The following TTC7A variants were observed in gnomAD, a reference collection of about 807,000 sequenced individuals.
TTC7A encodes tetratricopeptide repeat protein 7A.
Under a neutral mutation model 103.7 loss-of-function variants are expected in TTC7A, and 110 were observed. The ratio of observed to expected loss-of-function variants is 1.06; its 90% CI spans 0.91 to 1.24. The LOEUF is 1.24. Ranked by LOEUF, TTC7A falls within the 50% of genes most tolerant of loss-of-function variation. TTC7A has a pLI of 0.00. For missense variants in TTC7A, 1,340 were observed against 1,116.3 expected, an observed-to-expected ratio of 1.20 and a Z score of -2.86; for synonymous variants, 521 against 467.9, an observed-to-expected ratio of 1.11 and a Z score of -1.47.
chr2:46,968,061 G>A (rs1333947549), intron 3 of TTC7A, among the ~76,000 whole-genome samples: 1 of 152,168 alleles, frequency 6.6e-6, no homozygotes, highest in Non-Finnish European at 1.5e-5. Context: ...TGCATCCAGG[G>A]CCCAAGGCTC....
rs903561949 is a variant in TTC7A, at chr2:47,074,256, G to T, written c.*333G>T. ...CATGCCTCTGGCTTGGAGTCTGGGT[G>T]GGGGGTTCTCACTCCCCACTCTCAG... On this transcript the variant is annotated 3_prime_UTR_variant, in exon 20 of 20. Coordinates refer to ENST00000319190, the MANE Select transcript of TTC7A (RefSeq NM_020458.4). The T allele has an allele frequency of 4.1e-5, 15 of 362,740 alleles. 1 individual carries two copies. Among genetic ancestry groups the T allele is most frequent in the East Asian group, 1.2e-4 (2 of 16,444 alleles). 22.5% of individuals were successfully genotyped at this position (362,740 alleles called of 1,614,324 possible). A position where few individuals can be genotyped will look rare whatever the true frequency, so the allele number is the denominator to read the frequency against.
intron 3 of TTC7A, among the ~76,000 whole-genome samples, chr2:46,962,583 A>G (rs913258955): frequency 1.3e-5 from 2 of 152,210 alleles, no homozygotes; most frequent in African/African-American, 2.4e-5. Flanking sequence ...GGATGCAGCT[A>G]GAGGGGAAGC....
chr2:46,916,044 G>A, upstream of TTC7A: 11 of 985,438 alleles, frequency 1.1e-5, no homozygotes, highest in Non-Finnish European at 1.2e-5. Flanking sequence ...CTAGGGGCCC[G>A]GCAGTTGCTA....
At chr2:47,071,349 C>G (rs1001376557) in intron 19 of TTC7A, 22 of 152,170 alleles carry the variant, frequency 1.4e-4, no homozygotes, top group African/African-American at 5.3e-4. Context: ...ATGAGCCAAC[C>G]CACCCTAGCC....
At chr2:46,937,743 G>C (rs971004733), upstream of TTC7A, among the ~76,000 whole-genome samples, 6 of 152,196 alleles carry the variant, frequency 3.9e-5, no homozygotes, top group African/African-American at 1.4e-4. The surrounding 1 kb of genome is among the most constrained non-coding windows in gnomAD (Gnocchi z 4.0). Flanking sequence ...TGGCCCAACA[G>C]TGATTTCAAA....
chr2:47,028,537 CA>C (rs1383392166), intron 14 of TTC7A, among the ~76,000 whole-genome samples: 1 of 152,172 alleles, frequency 6.6e-6, no homozygotes, highest in East Asian at 1.9e-4. Context: ...AAACTCAAGC[CA>C]GTGAAAATTG....
intron 13 of TTC7A, 129 bp downstream of exon 13, chr2:47,023,594 C>G: frequency 1.0e-6 from 1 of 996,250 alleles, no homozygotes; most frequent in East Asian, 2.6e-5. Context: ...GATGAGGGAA[C>G]TGCACACAGC....
chr2:47,015,960 C>G (rs1319660875), intron 11 of TTC7A, among the ~76,000 whole-genome samples: 1 of 152,164 alleles, frequency 6.6e-6, no homozygotes, highest in Non-Finnish European at 1.5e-5. Context: ...TAAGGAGAAA[C>G]TGGAGGTGCT....
chr2:46,961,405 A>C (rs1279197018), intron 3 of TTC7A, among the ~76,000 whole-genome samples: 1 of 151,824 alleles, frequency 6.6e-6, no homozygotes, highest in Non-Finnish European at 1.5e-5. Context: ...GTGAAACCCT[A>C]TCTCTACTAA....
chr2:47,023,340 TGGTGCAGGGCTGGGCC>T (rs1679498648), intron 12 of TTC7A, 52 bp from the exon 13 acceptor site: 1 of 1,521,112 alleles, frequency 6.6e-7, no homozygotes, highest in African/African-American at 1.4e-5. Context: ...GCTTTGAGGA[TGGTGCAGGGCTGGGCC>T]GGCACCCTTC....
At position 46,966,473 on chromosome 2, in the gene TTC7A, T is replaced by C. The variant is rs574651981; in HGVS notation, c.518-8500T>C. ...TTTTATAATCTGCTTTTTAAAAAAG[T>C]ATTTCATGAGTCATTTTTCAATACA... On this transcript the variant is annotated intron_variant, in intron 3 of 19. Transcript: ENST00000319190. Among the ~76,000 whole-genome samples the C allele has an allele frequency of 5.3e-5, 8 of 152,344 alleles. No homozygotes were observed. In the South Asian group the frequency reaches 1.7e-3, roughly 32 times the overall value.
At chr2:47,061,041 C>G (rs1185747523) in intron 19 of TTC7A, 70 bp downstream of exon 19, 3 of 1,451,736 alleles carry the variant, frequency 2.1e-6, no homozygotes. Context: ...CGCTTTGTCC[C>G]TCCTTGTCCC....
intron 8 of TTC7A, chr2:46,999,948 A>C (rs777795494): frequency 1.0e-6 from 1 of 953,064 alleles, no homozygotes; most frequent in Non-Finnish European, 1.2e-6. Context: ...GCCATGCCCA[A>C]TGCTGGGCAT....
At chr2:47,012,812 T>G (rs1053240808) in intron 11 of TTC7A, among the ~76,000 whole-genome samples, 4 of 152,180 alleles carry the variant, frequency 2.6e-5, no homozygotes, top group Non-Finnish European at 4.4e-5. Context: ...CCTTTCCCCT[T>G]TTCCACCTGG....
At chr2:46,974,892 G>A (rs915804137) in intron 3 of TTC7A, 81 bp from the exon 4 acceptor site, 8 of 1,560,532 alleles carry the variant, frequency 5.1e-6, no homozygotes, top group Non-Finnish European at 7.0e-6. Flanking sequence ...CCTCGGATGA[G>A]CCCACCTTCG....
At chr2:47,047,334 G>A (rs1682426847) in intron 16 of TTC7A, 1 of 1,546,388 alleles carries the variant, frequency 6.5e-7, no homozygotes, top group East Asian at 2.4e-5. Context: ...ATTTACAGAG[G>A]AGGGTAATCA....
At chr2:46,924,269 A>T (rs929839844) in intron 2 of TTC7A, among the ~76,000 whole-genome samples, 1 of 151,044 alleles carries the variant, frequency 6.6e-6, no homozygotes, top group Non-Finnish European at 1.5e-5. Flanking sequence ...CCTGTAAACC[A>T]GTAAAACTGT....
chr2:47,010,505 C>G (rs192047901), intron 10 of TTC7A, among the ~76,000 whole-genome samples: 1 of 152,094 alleles, frequency 6.6e-6, no homozygotes, highest in Non-Finnish European at 1.5e-5. Context: ...CCCGCCCCGC[C>G]CAGCCCTCCT....
At chr2:47,048,731 T>C (rs1231868974) in intron 16 of TTC7A, among the ~76,000 whole-genome samples, 1 of 152,038 alleles carries the variant, frequency 6.6e-6, no homozygotes, top group African/African-American at 2.4e-5. Flanking sequence ...GCCTCCCAAA[T>C]AGCTGGGACT....
Sources: allele counts gnomAD v4.1 joint callset (sites outside exome capture counted in the v4.1 genomes callset), GRCh38; gene constraint gnomAD v4.1.1; non-coding constraint Gnocchi (gnomAD v3.1); transcripts MANE v1.5; gene names NCBI Gene and HGNC (gene_info 2026-07-23, HGNC 2026-07-21).